EVI5: variants seen among roughly 807,000 people sequenced by gnomAD.
EVI5 encodes ecotropic viral integration site 5 protein homolog.
Under a neutral mutation model 112.0 loss-of-function variants are expected in EVI5, and 73 were observed. That is an observed-to-expected ratio of 0.65 (90% CI 0.54 to 0.79). The LOEUF is 0.79. Ranked by LOEUF, EVI5 falls within the 30% of genes least tolerant of loss-of-function variation. The probability of loss-of-function intolerance (pLI) is 0.00; values close to 1 mark genes in which losing one functional copy is unlikely to be tolerated. For synonymous variants in EVI5, 305 were observed against 319.9 expected, an observed-to-expected ratio of 0.95 and a Z score of 0.50; for missense variants, 900 against 968.8, an observed-to-expected ratio of 0.93 and a Z score of 0.94.
At chr1:92,728,390 T>C (rs1391059909) in intron 2 of EVI5, among the ~76,000 whole-genome samples, 2 of 151,596 alleles carry the variant, frequency 1.3e-5, no homozygotes, top group African/African-American at 4.8e-5. Context: ...TTTTTTTCTT[T>C]TTTTTTTGGA....
chr1:92,632,816 C>T (rs868056927), intron 14 of EVI5, among the ~76,000 whole-genome samples: 3 of 152,036 alleles, frequency 2.0e-5, no homozygotes, highest in African/African-American at 7.2e-5. Flanking sequence ...CATTTAGTGC[C>T]ATAAATTTCC....
chr1:92,762,328 T>C (rs750241702), intron 1 of EVI5, among the ~76,000 whole-genome samples: 19 of 152,242 alleles, frequency 1.2e-4, no homozygotes, highest in Non-Finnish European at 2.5e-4. Context: ...TCATTTACTA[T>C]ATGCTTTATT....
At chr1:92,687,282 A>C (rs1217938391) in intron 9 of EVI5, among the ~76,000 whole-genome samples, 1 of 152,238 alleles carries the variant, frequency 6.6e-6, no homozygotes, top group Non-Finnish European at 1.5e-5. Flanking sequence ...AAAAACAAAA[A>C]ATGGGAAAAA....
In EVI5 at chr1:92,512,131, G is replaced by A. The variant is rs186738483; in HGVS notation, c.*1525C>T. 1 of 152,584 alleles carries A rather than the reference G, an allele frequency of 6.6e-6. No homozygotes were observed. The highest frequency in any genetic ancestry group is 1.9e-4 in the East Asian group (1 of 5,182). The allele number at this position is 152,584 out of a possible 1,614,324, so 9.5% of individuals were successfully genotyped here. ...GTTTTCTCTAACTTATCAGTGACAG[G>A]CATCCTGTTTTCTAGGAAATAATAT... On this transcript the variant is annotated 3_prime_UTR_variant, in exon 20 of 20. Coordinates refer to ENST00000684568, the MANE Select transcript of EVI5 (RefSeq NM_001350197.2).
chr1:92,654,517 G>A (rs1490911174), intron 13 of EVI5, among the ~76,000 whole-genome samples: 4 of 151,924 alleles, frequency 2.6e-5, no homozygotes, highest in Non-Finnish European at 5.9e-5. Flanking sequence ...TCCTTCAGAG[G>A]AAAAAAATTC....
At chr1:92,532,697 A>C (rs1213764137) in intron 19 of EVI5, among the ~76,000 whole-genome samples, 1 of 152,212 alleles carries the variant, frequency 6.6e-6, no homozygotes, top group Non-Finnish European at 1.5e-5. Flanking sequence ...TGGGTAAATA[A>C]CAAAATGAAG....
At chr1:92,636,551 T>C (rs1414124159) in intron 13 of EVI5, among the ~76,000 whole-genome samples, 3 of 152,340 alleles carry the variant, frequency 2.0e-5, no homozygotes, top group Non-Finnish European at 2.9e-5. Flanking sequence ...ACCACATTAT[T>C]GGGTTTTGGT....
At chr1:92,592,302 A>T (rs1674093322) in intron 18 of EVI5, among the ~76,000 whole-genome samples, 2 of 152,340 alleles carry the variant, frequency 1.3e-5, no homozygotes, top group South Asian at 4.1e-4. Flanking sequence ...AAACTGAACA[A>T]CCTGCTCCTG....
At chr1:92,636,401 A>G in intron 13 of EVI5, 65 bp from the exon 14 acceptor site, 1 of 1,339,722 alleles carries the variant, frequency 7.5e-7, no homozygotes, top group Non-Finnish European at 1.1e-6. Flanking sequence ...AATAAAAACA[A>G]TGCAACCACA....
At chr1:92,565,637 T>C (rs1158616750) in intron 18 of EVI5, among the ~76,000 whole-genome samples, 3 of 151,980 alleles carry the variant, frequency 2.0e-5, no homozygotes, top group African/African-American at 7.2e-5. Flanking sequence ...CTACATACTG[T>C]ATACTAACAT....
chr1:92,627,037 T>C (rs1013566147), intron 14 of EVI5, among the ~76,000 whole-genome samples: 4 of 152,214 alleles, frequency 2.6e-5, no homozygotes, highest in South Asian at 2.1e-4. Flanking sequence ...CCGTAAGTTA[T>C]TGGGGTACAG....
intron 14 of EVI5, among the ~76,000 whole-genome samples, chr1:92,631,928 A>T (rs1291088754): frequency 6.6e-6 from 1 of 152,102 alleles, no homozygotes; most frequent in African/African-American, 2.4e-5. Flanking sequence ...TTCTGCATCT[A>T]TTGAGATAAT....
intron 1 of EVI5, among the ~76,000 whole-genome samples, chr1:92,741,301 G>T (rs185075550): frequency 6.6e-6 from 1 of 152,304 alleles, no homozygotes; most frequent in East Asian, 1.9e-4. Context: ...GGTTGGCAAT[G>T]GATGTGGTCA....
At chr1:92,558,871 C>CA (rs1370218597) in intron 19 of EVI5, among the ~76,000 whole-genome samples, 2 of 148,604 alleles carry the variant, frequency 1.3e-5, no homozygotes, top group Non-Finnish European at 3.0e-5. Context: ...CAAAACAAAA[C>CA]AAAAAAACCC....
chr1:92,770,032 TG>T (rs1212220934), intron 1 of EVI5, among the ~76,000 whole-genome samples: 1 of 152,154 alleles, frequency 6.6e-6, no homozygotes, highest in Non-Finnish European at 1.5e-5. Context: ...CTGCTGGGTT[TG>T]AAGATGGAGG....
intron 9 of EVI5, among the ~76,000 whole-genome samples, chr1:92,686,934 G>T (rs1304627539): frequency 6.6e-6 from 1 of 152,156 alleles, no homozygotes; most frequent in East Asian, 1.9e-4. Context: ...TGGATTGGAA[G>T]AATCAATATC....
At position 92,625,904 on chromosome 1, in the gene EVI5, T is replaced by G. The variant is rs779641770; in HGVS notation, c.1558A>C (p.Ile520Leu). The G allele has an allele frequency of 6.2e-7, 1 of 1,608,638 alleles. No homozygotes were observed. Among genetic ancestry groups the G allele is most frequent in the Non-Finnish European group, 8.5e-7 (1 of 1,175,212 alleles). The change falls in exon 15 of 20, where the codon ATT (isoleucine) becomes CTT (leucine). Residue 520 changes from isoleucine (I) to leucine (L), a missense_variant. Ile to Leu is a conservative substitution (Grantham distance 5). Coordinates refer to ENST00000684568, the MANE Select transcript of EVI5 (RefSeq NM_001350197.2). ...RNNSLPDENN[I>L]ARLQEELIAV... ...ATGAGTTCTTCCTGAAGCCTTGCAA[T>G]ATTATTCTCATCAGGAAGGGAGTTA...
rs1348351801 is a variant in EVI5 at position 92,611,535 on chromosome 1, A to G, written c.1828-3808T>C. 8.1e-5 allele frequency among the ~76,000 whole-genome samples: 11 copies of G among 136,402 alleles called. No individual in the cohort carries two copies. The South Asian group carries it at 1.4e-3, about 17-fold the overall frequency. 89.5% of individuals were successfully genotyped at this position (136,402 alleles called of 152,430 possible). A position where few individuals can be genotyped will look rare whatever the true frequency, so the allele number is the denominator to read the frequency against. On this transcript the variant is annotated intron_variant, in intron 16 of 19. Coordinates refer to ENST00000684568, the MANE Select transcript of EVI5 (RefSeq NM_001350197.2). ...AACACAATGAAACCCTGTCTCTACTAAAAAAAAAAAAAAAAAATTAGCCAG... is the reference window on the plus strand; with the variant it reads ...AACACAATGAAACCCTGTCTCTACTGAAAAAAAAAAAAAAAAATTAGCCAG...
intron 1 of EVI5, among the ~76,000 whole-genome samples, chr1:92,767,106 A>G (rs567176975): frequency 1.3e-4 from 18 of 140,280 alleles, no homozygotes; most frequent in Middle Eastern, 3.4e-3. Flanking sequence ...AAAAAAATCC[A>G]ATTCATCAAT....
Sources: allele counts gnomAD v4.1 joint callset (sites outside exome capture counted in the v4.1 genomes callset), GRCh38; gene constraint gnomAD v4.1.1; transcripts MANE v1.5; gene names NCBI Gene and HGNC (gene_info 2026-07-23, HGNC 2026-07-21).